Variants in RGS9 observed in about 807,000 individuals in gnomAD.
The protein encoded by RGS9 is regulator of G-protein signalling 9.
Under a neutral mutation model 102.0 loss-of-function variants are expected in RGS9, and 78 were observed. The observed-to-expected ratio is 0.76, with a 90% CI of 0.64 to 0.92. The LOEUF (loss-of-function observed/expected upper bound fraction) is 0.92, where lower values mean the gene tolerates loss of function less well. Among genes scored for constraint, RGS9 ranks in the 40% least tolerant of loss-of-function variants. The pLI is 0.00. For synonymous variants in RGS9, 353 were observed against 318.6 expected, an observed-to-expected ratio of 1.11 and a Z score of -1.15; for missense variants, 833 against 866.1, an observed-to-expected ratio of 0.96 and a Z score of 0.48.
chr17:65,179,674 T>TGTGTGTGTGTGC (rs1211966037), intron 9 of RGS9, among the ~76,000 whole-genome samples: 6 of 148,474 alleles, frequency 4.0e-5, no homozygotes, highest in African/African-American at 1.2e-4. Flanking sequence ...TGTGTGTGTG[T>TGTGTGTGTGTGC]GTGTGTGTTG....
intron 17 of RGS9, among the ~76,000 whole-genome samples, chr17:65,210,981 A>G (rs1913271662): frequency 6.6e-6 from 1 of 152,004 alleles, no homozygotes; most frequent in Non-Finnish European, 1.5e-5. Flanking sequence ...AGCCAGGGGG[A>G]AAAAGCTGTC....
intron 9 of RGS9, among the ~76,000 whole-genome samples, chr17:65,179,035 A>T (rs1911752256): frequency 6.6e-6 from 1 of 152,130 alleles, no homozygotes; most frequent in African/African-American, 2.4e-5. Flanking sequence ...GACCCATTTA[A>T]ACAGATCTTA....
chr17:65,193,663 A>G lies in RGS9; in HGVS notation c.860+7A>G. On this transcript the variant is annotated splice_region_variant and intron_variant, in intron 12 of 18. Transcript: ENST00000262406. The stretch of plus-strand genomic sequence containing the variant: ...GGGACTTAAATGCCAAATTGTATGT[A>G]TTTTATATATTGGTGTTTTTTAAAA... 4.5e-6 allele frequency: 7 copies of G among 1,556,100 alleles called. No individual in the cohort carries two copies. The highest frequency in any genetic ancestry group is 6.2e-6 in the Non-Finnish European group (7 of 1,127,218).
chr17:65,218,041 G>A (rs1567894561), intron 17 of RGS9, among the ~76,000 whole-genome samples: 1 of 152,214 alleles, frequency 6.6e-6, no homozygotes, highest in Admixed American at 6.5e-5. Flanking sequence ...ATCACTGTGA[G>A]GCAGTGATGA....
chr17:65,168,628 A>G (rs532446492), intron 8 of RGS9, among the ~76,000 whole-genome samples: 23 of 150,296 alleles, frequency 1.5e-4, no homozygotes, highest in South Asian at 4.2e-4. Flanking sequence ...GTAGGCCCCA[A>G]TGGAGGCGCC....
At chr17:65,186,777 A>C (rs942381420) in intron 9 of RGS9, among the ~76,000 whole-genome samples, 1 of 152,228 alleles carries the variant, frequency 6.6e-6, no homozygotes, top group African/African-American at 2.4e-5. Flanking sequence ...TAGTATAATA[A>C]AATCTCCTTA....
chr17:65,141,740 G>T (rs1910164770), intron 1 of RGS9, among the ~76,000 whole-genome samples: 1 of 152,136 alleles, frequency 6.6e-6, no homozygotes, highest in African/African-American at 2.4e-5. Flanking sequence ...GGTCAGGGGG[G>T]ATCAGGACAG....
intron 15 of RGS9, among the ~76,000 whole-genome samples, chr17:65,205,128 G>A (rs1000671608): frequency 6.6e-6 from 1 of 152,024 alleles, no homozygotes; most frequent in African/African-American, 2.4e-5. Context: ...ATATGTGAAG[G>A]GTACCTGAGA....
At position 65,224,295 on chromosome 17, in the gene RGS9, G is replaced by A. The variant is rs141344214; in HGVS notation, c.1408-707G>A. ...GCTGGGGCCATGGTGGCCCAGGAAG[G>A]TTGAGATACTTCCCCTTTCTCCACT... On this transcript the variant is annotated intron_variant, in intron 17 of 18. Transcript: ENST00000262406. Among the ~76,000 whole-genome samples, 47 of 152,340 alleles carry A rather than the reference G, an allele frequency of 3.1e-4. No homozygotes were observed. In the East Asian group the frequency reaches 8.1e-3, roughly 26 times the overall value.
intron 17 of RGS9, among the ~76,000 whole-genome samples, chr17:65,218,565 G>A (rs1913594978): frequency 1.3e-5 from 2 of 152,224 alleles, no homozygotes; most frequent in African/African-American, 4.8e-5. Context: ...CCTTCAACCT[G>A]TCTGAAGTTA....
At chr17:65,215,578 G>C (rs1373658992) in intron 17 of RGS9, among the ~76,000 whole-genome samples, 1 of 118,378 alleles carries the variant, frequency 8.4e-6, no homozygotes, top group Non-Finnish European at 1.6e-5. Flanking sequence ...TCTCAGGCTG[G>C]AGTGCAGTGG....
At chr17:65,177,646 A>C in intron 8 of RGS9, 86 bp from the exon 9 acceptor site, 1 of 1,294,596 alleles carries the variant, frequency 7.7e-7, no homozygotes, top group South Asian at 1.2e-5. Flanking sequence ...TCAATCTCAC[A>C]ATTGGCAGAT....
intron 7 of RGS9, among the ~76,000 whole-genome samples, chr17:65,165,236 C>T (rs1911132307): frequency 6.6e-6 from 1 of 152,126 alleles, no homozygotes; most frequent in Non-Finnish European, 1.5e-5. Context: ...TCTCAGTGAT[C>T]CCTGCAGGTC....
At chr17:65,203,007 G>T (rs1402352410) in intron 14 of RGS9, among the ~76,000 whole-genome samples, 2 of 152,224 alleles carry the variant, frequency 1.3e-5, no homozygotes, top group Non-Finnish European at 2.9e-5. Context: ...GCTGGAACCA[G>T]CCCTTTGCAG....
rs117842777 is a variant in RGS9 at position 65,183,891 on chromosome 17, C to T, written c.655-5395C>T. On this transcript the variant is annotated intron_variant, in intron 9 of 18. Coordinates refer to ENST00000262406, the MANE Select transcript of RGS9 (RefSeq NM_003835.4). Reference sequence around the variant, plus strand: ...CTCCATCCGGGGTTTGCCAGTCAGCCGGCCCAGAGCTATGTAAACAACAAG... The same window carrying T: ...CTCCATCCGGGGTTTGCCAGTCAGCTGGCCCAGAGCTATGTAAACAACAAG... Among the ~76,000 whole-genome samples the T allele has an allele frequency of 5.1e-3, 781 of 152,310 alleles. 6 individuals are homozygous for T. The highest frequency in any genetic ancestry group is 0.024 in the East Asian group (126 of 5,188).
intron 9 of RGS9, among the ~76,000 whole-genome samples, chr17:65,178,899 C>T (rs917880917): frequency 1.3e-5 from 2 of 152,196 alleles, no homozygotes; most frequent in Non-Finnish European, 2.9e-5. Context: ...ACCTCCATTC[C>T]TCTCCCTGCC....
intron 11 of RGS9, among the ~76,000 whole-genome samples, chr17:65,190,681 G>T (rs1034246811): frequency 2.0e-5 from 3 of 152,126 alleles, no homozygotes; most frequent in African/African-American, 7.2e-5. Flanking sequence ...AAGATAAATT[G>T]GACATTTATG....
At chr17:65,201,336 G>A (rs1912833643) in intron 13 of RGS9, among the ~76,000 whole-genome samples, 1 of 152,174 alleles carries the variant, frequency 6.6e-6, no homozygotes, top group Non-Finnish European at 1.5e-5. Context: ...TCCTGCTCCT[G>A]GCCAGACCTT....
At chr17:65,194,195 T>A (rs1312401453) in intron 12 of RGS9, among the ~76,000 whole-genome samples, 1 of 152,250 alleles carries the variant, frequency 6.6e-6, no homozygotes, top group African/African-American at 2.4e-5. Flanking sequence ...GCATCATGTT[T>A]TCAAGGTTTA....
Sources: gnomAD v4.1 joint callset for allele counts (sites outside exome capture counted in the v4.1 genomes callset) on GRCh38, gnomAD v4.1.1 for gene constraint, MANE v1.5 for transcripts, NCBI Gene and HGNC (gene_info 2026-07-23, HGNC 2026-07-21) for gene names.